ZC3H14: variants seen among roughly 807,000 people sequenced by gnomAD.
ZC3H14 encodes the protein zinc finger CCCH-type containing 14, also known as zinc finger CCCH domain-containing protein 14.
ZC3H14 carries 31 observed loss-of-function variants against 92.4 expected under a neutral mutation model. That is an observed-to-expected ratio of 0.34 (90% CI 0.25 to 0.45). ZC3H14 has a LOEUF of 0.45. Among genes scored for constraint, ZC3H14 ranks in the 20% least tolerant of loss-of-function variants. ZC3H14 has a pLI of 1.00. For synonymous variants in ZC3H14, 321 were observed against 300.9 expected (o/e 1.07, Z -0.69); for missense variants, 781 against 897.3 (o/e 0.87, Z 1.66).
intron 9 of ZC3H14, among the ~76,000 whole-genome samples, chr14:88,580,419 G>A (rs996672545): frequency 4.6e-5 from 7 of 152,190 alleles, no homozygotes; most frequent in Non-Finnish European, 7.3e-5. Flanking sequence ...GATCACTTGA[G>A]GCCAGGAGTT....
At chr14:88,563,278 T>C in intron 1 of ZC3H14, 109 bp downstream of exon 1, 5 of 1,536,482 alleles carry the variant, frequency 3.3e-6, no homozygotes, top group Non-Finnish European at 4.4e-6. Context: ...TGGCCTCCGC[T>C]GGACGCTCCT....
intron 2 of ZC3H14, among the ~76,000 whole-genome samples, chr14:88,564,638 A>T (rs528475453): frequency 3.0e-4 from 46 of 152,346 alleles, no homozygotes; most frequent in African/African-American, 1.1e-3. Flanking sequence ...CTAATGGTTG[A>T]TAAAACTTGT....
At chr14:88,610,736 C>G in intron 15 of ZC3H14, 98 bp from the exon 16 acceptor site, 2 of 1,220,518 alleles carry the variant, frequency 1.6e-6, no homozygotes, top group African/African-American at 1.5e-5. Context: ...TCACTCCAGC[C>G]TGGGTGACAG....
chr14:88,590,464 A>C (rs2082989012), intron 9 of ZC3H14: 1 of 152,488 alleles, frequency 6.6e-6, no homozygotes, highest in African/African-American at 2.4e-5. Flanking sequence ...TGCGCGTCTC[A>C]GATGCTTTTG....
chr14:88,610,696 C>T (rs1023666995), intron 15 of ZC3H14, 138 bp from the exon 16 acceptor site: 34 of 799,090 alleles, frequency 4.3e-5, no homozygotes, highest in Admixed American at 1.0e-4. Context: ...CCCAGCTACT[C>T]GGGAGACTGA....
In ZC3H14 at chr14:88,568,023, C is replaced by G; in HGVS notation, c.80-16C>G. 1.2e-6 allele frequency: 2 copies of G among 1,607,382 alleles called. No individual in the cohort carries two copies. Among genetic ancestry groups the G allele is most frequent in the Non-Finnish European group, 1.7e-6 (2 of 1,174,278 alleles). On this transcript the variant is annotated splice_polypyrimidine_tract_variant and intron_variant, in intron 2 of 16. Coordinates refer to ENST00000251038, the MANE Select transcript of ZC3H14 (RefSeq NM_024824.5). ...TTGAGGAAACAAAGTTTTGATCTAC[C>G]TTTCCTTTTAAATAGATGAAGAACT...
rs1046653304 is a variant in ZC3H14 at position 88,613,513 on chromosome 14, T to A, written c.*1762T>A. The A allele has an allele frequency of 6.6e-6, 1 of 152,164 alleles. No homozygotes were observed. The highest frequency in any genetic ancestry group is 2.4e-5 in the African/African-American group (1 of 41,446). The allele number at this position is 152,164 out of a possible 1,614,324, so 9.4% of individuals were successfully genotyped here. ...ATAATAAAATACTAAAATCTGATTG[T>A]TTTTTGCTATTTAATAGCCACTGCC... On this transcript the variant is annotated 3_prime_UTR_variant, in exon 17 of 17. Transcript: ENST00000251038.
Position 88,563,631 on chromosome 14 carries a change from G to T in ZC3H14, c.37-20G>T, listed in dbSNP as rs747502836. 3.1e-6 allele frequency: 5 copies of T among 1,613,830 alleles called. No individual in the cohort carries two copies. The African/African-American group carries it at 4.0e-5, about 13-fold the overall frequency. On this transcript the variant is annotated intron_variant, in intron 1 of 16. Coordinates refer to ENST00000251038, the MANE Select transcript of ZC3H14 (RefSeq NM_024824.5). ...CTAGAGCCGCCTTTCTCACATGCAC[G>T]TTTGCTCTTTTTCTCTCAGAGTGCC...
At position 88,617,009 on chromosome 14, in the gene ZC3H14, G is replaced by T; in HGVS notation, c.*5258G>T. On this transcript the variant is annotated 3_prime_UTR_variant, in exon 17 of 17. Coordinates refer to ENST00000251038, the MANE Select transcript of ZC3H14 (RefSeq NM_024824.5). ...CTTAAAATACAGGAAGTAAATTATG[G>T]TAAGTTGTTTGGAGACCTGAATTTC... The T allele has an allele frequency of 2.5e-6, 2 of 804,944 alleles. No homozygotes were observed. Among genetic ancestry groups the T allele is most frequent in the South Asian group, 2.7e-5 (1 of 37,410 alleles). The allele number at this position is 804,944 out of a possible 1,614,324, so 49.9% of individuals were successfully genotyped here.
chr14:88,584,769 A>G (rs1432412977), intron 9 of ZC3H14, among the ~76,000 whole-genome samples: 1 of 152,204 alleles, frequency 6.6e-6, no homozygotes, highest in Non-Finnish European at 1.5e-5. Context: ...GTAAACCTTG[A>G]ATAACACCAG....
At position 88,617,643 on chromosome 14, in the gene ZC3H14, A is replaced by G. The variant is rs2087917728; in HGVS notation, c.*5892A>G. The stretch of plus-strand genomic sequence containing the variant: ...TGACTTATGACATAGGAATTAAAAA[A>G]ATTTCAGAGATGGGGTCTTGCTATG... On this transcript the variant is annotated 3_prime_UTR_variant, in exon 17 of 17. Transcript: ENST00000251038. 1 of 152,120 alleles carries G rather than the reference A, an allele frequency of 6.6e-6. No homozygotes were observed. The highest frequency in any genetic ancestry group is 2.1e-4 in the South Asian group (1 of 4,826). 9.4% of individuals were successfully genotyped at this position (152,120 alleles called of 1,614,324 possible).
chr14:88,594,303 C>A, intron 9 of ZC3H14: 1 of 640,380 alleles, frequency 1.6e-6, no homozygotes, highest in Non-Finnish European at 2.0e-6. Flanking sequence ...CGCTTCAGTG[C>A]TCTCATCATA....
Position 88,626,644 on chromosome 14 carries a change from T to A in ZC3H14, c.*14893T>A. The A allele has an allele frequency of 1.6e-6, 1 of 612,994 alleles. No individual in the cohort carries two copies. Among genetic ancestry groups the A allele is most frequent in the Non-Finnish European group, 2.8e-6 (1 of 361,390 alleles). The allele number at this position is 612,994 out of a possible 1,614,324, so 38.0% of individuals were successfully genotyped here. A position where few individuals can be genotyped will look rare whatever the true frequency, so the allele number is the denominator to read the frequency against. On this transcript the variant is annotated 3_prime_UTR_variant, in exon 17 of 17. Coordinates refer to ENST00000251038, the MANE Select transcript of ZC3H14 (RefSeq NM_024824.5). ...AAAAAAAAAAAAATCCTTTTCCCCCTCTCATTAACATTCTTTTCACTCCCT... is the reference window on the plus strand; with the variant it reads ...AAAAAAAAAAAAATCCTTTTCCCCCACTCATTAACATTCTTTTCACTCCCT...
chr14:88,618,427 T>TA lies in ZC3H14; in HGVS notation c.*6677dup. The stretch of plus-strand genomic sequence containing the variant: ...AATACTAGCATATTGCTACTTGATT[T>TA]ACATGTCTAACATTATTAAGTATGC... On this transcript the variant is annotated 3_prime_UTR_variant, in exon 17 of 17. Transcript: ENST00000251038. 1 of 1,181,258 alleles carries TA rather than the reference T, an allele frequency of 8.5e-7. No individual in the cohort carries two copies. The highest frequency in any genetic ancestry group is 1.2e-6 in the Non-Finnish European group (1 of 814,194). The allele number at this position is 1,181,258 out of a possible 1,614,324, so 73.2% of individuals were successfully genotyped here. A position where few individuals can be genotyped will look rare whatever the true frequency, so the allele number is the denominator to read the frequency against.
Position 88,626,616 on chromosome 14 carries a change from C to CAAA in ZC3H14, c.*14878_*14880dup. On this transcript the variant is annotated 3_prime_UTR_variant, in exon 17 of 17. Transcript: ENST00000251038. ...CAGGCGACAGAGTGAGATACTGTGTCAAAAAAAAAAAAAAATCCTTTTCCC... is the reference window on the plus strand; with the variant it reads ...CAGGCGACAGAGTGAGATACTGTGTCAAAAAAAAAAAAAAAAAATCCTTTTCCC... 6.3e-6 allele frequency: 3 copies of CAAA among 474,686 alleles called. No homozygotes were observed. Among genetic ancestry groups the CAAA allele is most frequent in the East Asian group, 3.7e-5 (1 of 26,686 alleles). 29.4% of individuals were successfully genotyped at this position (474,686 alleles called of 1,614,324 possible). A position where few individuals can be genotyped will look rare whatever the true frequency, so the allele number is the denominator to read the frequency against.
rs1472074791 is a variant in ZC3H14 at position 88,616,678 on chromosome 14, A to G, written c.*4927A>G. 6.5e-7 allele frequency: 1 copy of G among 1,548,290 alleles called. No individual in the cohort carries two copies. Among genetic ancestry groups the G allele is most frequent in the South Asian group, 1.2e-5 (1 of 82,630 alleles). ...TGGGGAAAAGTGCTGATGATAAGAC[A>G]TCAAAATTAGGAGTAAACTGATAAT... On this transcript the variant is annotated 3_prime_UTR_variant, in exon 17 of 17. Coordinates refer to ENST00000251038, the MANE Select transcript of ZC3H14 (RefSeq NM_024824.5).
At chr14:88,594,460 G>GCTATAC in intron 9 of ZC3H14, 1 of 1,289,548 alleles carries the variant, frequency 7.8e-7, no homozygotes, top group Non-Finnish European at 9.9e-7. Context: ...CTACGTATTA[G>GCTATAC]GGCTTCTTAG....
In ZC3H14 at chr14:88,625,011, G is replaced by A; in HGVS notation, c.*13260G>A. 4 of 1,613,680 alleles carry A rather than the reference G, an allele frequency of 2.5e-6. No homozygotes were observed. The highest frequency in any genetic ancestry group is 3.4e-6 in the Non-Finnish European group (4 of 1,179,706). ...CAGTCACGATAAGTCCATCTCGCAG[G>A]GTGGTGTACATGGCAAACACAGGCC... On this transcript the variant is annotated 3_prime_UTR_variant, in exon 17 of 17. Coordinates refer to ENST00000251038, the MANE Select transcript of ZC3H14 (RefSeq NM_024824.5).
In ZC3H14 at chr14:88,621,359, C is replaced by A; in HGVS notation, c.*9608C>A. On this transcript the variant is annotated 3_prime_UTR_variant, in exon 17 of 17. Transcript: ENST00000251038. Reference sequence around the variant, plus strand: ...TAATACAACAGCTGCTTTTCTTCTTCATAATATAAAAATGACCCTATTGAC... The same window carrying A: ...TAATACAACAGCTGCTTTTCTTCTTAATAATATAAAAATGACCCTATTGAC... 1.3e-6 allele frequency: 2 copies of A among 1,598,758 alleles called. No homozygotes were observed. Among genetic ancestry groups the A allele is most frequent in the South Asian group, 2.2e-5 (2 of 90,512 alleles).
Sources: gnomAD v4.1 joint callset for allele counts (sites outside exome capture counted in the v4.1 genomes callset) on GRCh38, gnomAD v4.1.1 for gene constraint, MANE v1.5 for transcripts, NCBI Gene and HGNC (gene_info 2026-07-23, HGNC 2026-07-21) for gene names.